Variants in FIGN observed in about 807,000 individuals in gnomAD.
The protein encoded by FIGN is fidgetin.
FIGN carries 11 observed loss-of-function variants against 51.3 expected under a neutral mutation model. That is an observed-to-expected ratio of 0.21 (90% CI 0.13 to 0.35). FIGN has a LOEUF of 0.35. Among genes scored for constraint, FIGN ranks in the 10% least tolerant of loss-of-function variants. FIGN has a pLI of 1.00. For missense variants in FIGN, 857 were observed against 943.6 expected, an observed-to-expected ratio of 0.91 and a Z score of 1.20; for synonymous variants, 407 against 363.2, an observed-to-expected ratio of 1.12 and a Z score of -1.37.
rs147210771 is a variant in FIGN, at chr2:163,628,761, A to T, written c.26-16955T>A. ...AGGAAATCACTGGAAAAATTTAAAAAAAAATTGTGACATATCTGTCCATTG... is the reference window on the plus strand; with the variant it reads ...AGGAAATCACTGGAAAAATTTAAAATAAAATTGTGACATATCTGTCCATTG... On this transcript the variant is annotated intron_variant, in intron 2 of 2. Transcript: ENST00000333129. 4.6e-3 allele frequency among the ~76,000 whole-genome samples: 703 copies of T among 152,286 alleles called. 6 individuals are homozygous for T. The highest frequency in any genetic ancestry group is 0.016 in the African/African-American group (658 of 41,570).
In FIGN at chr2:163,611,413, G is replaced by C; in HGVS notation, c.419C>G (p.Pro140Arg). 1 of 1,614,154 alleles carries C rather than the reference G, an allele frequency of 6.2e-7. No individual in the cohort carries two copies. Among genetic ancestry groups the C allele is most frequent in the Non-Finnish European group, 8.5e-7 (1 of 1,180,016 alleles). The change falls in exon 3 of 3, where the codon CCT (proline) becomes CGT (arginine). Residue 140 changes from proline (P) to arginine (R), a missense_variant. Physicochemically the swap from Pro to Arg is moderately radical, Grantham distance 103. Coordinates refer to ENST00000333129, the MANE Select transcript of FIGN (RefSeq NM_018086.4). The part of the protein sequence containing the change: ...ASKAGVSSAL[P>R]PADVSASIGS... ...TATACTCGCAGAGACATCTGCTGGA[G>C]GGAGGGCTGAACTGACTCCAGCTTT...
chr2:163,733,052 C>G (rs1248678591), intron 2 of FIGN, among the ~76,000 whole-genome samples: 45 of 152,134 alleles, frequency 3.0e-4, no homozygotes, highest in Non-Finnish European at 7.3e-5. Context: ...AAAACAAGAG[C>G]CAGTAACGCC....
At chr2:163,658,111 A>C (rs1220012965) in intron 2 of FIGN, among the ~76,000 whole-genome samples, 1 of 152,124 alleles carries the variant, frequency 6.6e-6, no homozygotes, top group African/African-American at 2.4e-5. Flanking sequence ...GGGAGGAATA[A>C]GTTGTTGTCT....
chr2:163,725,177 A>G lies in FIGN; in HGVS notation c.25+9726T>C, dbSNP rs148551231. On this transcript the variant is annotated intron_variant, in intron 2 of 2. Coordinates refer to ENST00000333129, the MANE Select transcript of FIGN (RefSeq NM_018086.4). ...AACTACTTCTCATGATCTAAGTATC[A>G]TATTCCAGTGGCTGAAATGAAATTT... Among the ~76,000 whole-genome samples, 783 of 152,260 alleles carry G rather than the reference A, an allele frequency of 5.1e-3. 3 individuals carry two copies. Among genetic ancestry groups the G allele is most frequent in the Non-Finnish European group, 9.0e-3 (611 of 67,966 alleles).
chr2:163,688,270 G>T (rs1478270133), intron 2 of FIGN, among the ~76,000 whole-genome samples: 1 of 152,184 alleles, frequency 6.6e-6, no homozygotes, highest in African/African-American at 2.4e-5. Context: ...TGCTCAGAAT[G>T]TGGGAACTCA....
chr2:163,718,630 T>C (rs1193355607), intron 2 of FIGN, among the ~76,000 whole-genome samples: 2 of 152,168 alleles, frequency 1.3e-5, no homozygotes, highest in African/African-American at 4.8e-5. Flanking sequence ...GTCTCCCTGA[T>C]GAAAAATCCA....
At position 163,610,056 on chromosome 2, in the gene FIGN, G is replaced by A. The variant is rs746275065; in HGVS notation, c.1776C>T (p.Ser592=). 6.2e-7 allele frequency: 1 copy of A among 1,614,034 alleles called. No individual in the cohort carries two copies. Among genetic ancestry groups the A allele is most frequent in the South Asian group, 1.1e-5 (1 of 91,080 alleles). ...GACTATGTTCCTCATTCACTTGAGAGGAGAGAAGCATGTCAATGTCACTAA... is the reference window on the plus strand; with the variant it reads ...GACTATGTTCCTCATTCACTTGAGAAGAGAGAAGCATGTCAATGTCACTAA... ...IFVSDIDMLL[S]SQVNEEHSPV... is the part of the protein sequence containing the mutation. The change falls in exon 3 of 3, where the codon TCC becomes TCT. Residue 592 remains serine, a synonymous_variant. Coordinates refer to ENST00000333129, the MANE Select transcript of FIGN (RefSeq NM_018086.4).
chr2:163,610,751 G>A lies in FIGN; in HGVS notation c.1081C>T (p.Arg361Trp), dbSNP rs1205155374. ...MPDNSISNTN[R>W]GNGFDRSAET... is the part of the protein sequence containing the mutation. ...GCACTTCTGTCAAAGCCATTCCCCC[G>A]ATTTGTGTTTGAAATGCTGTTGTCG... Residue 361 changes from arginine (R) to tryptophan (W), a missense_variant, in exon 3 of 3, where the codon CGG becomes TGG. Physicochemically the swap from Arg to Trp is moderately radical, Grantham distance 101. Around this residue, in one of 3 missense-constraint regions of FIGN, gnomAD observed 799 missense variants for 849.5 expected, o/e 0.94. Coordinates refer to ENST00000333129, the MANE Select transcript of FIGN (RefSeq NM_018086.4). 2.5e-6 allele frequency: 4 copies of A among 1,614,032 alleles called. No homozygotes were observed. The highest frequency in any genetic ancestry group is 2.2e-5 in the East Asian group (1 of 44,888).
At position 163,611,553 on chromosome 2, in the gene FIGN, G is replaced by A; in HGVS notation, c.279C>T (p.Asp93=). 1 of 1,614,226 alleles carries A rather than the reference G, an allele frequency of 6.2e-7. No homozygotes were observed. The part of the protein sequence containing the change: ...VDRPVLSNYS[D]TPSGLVNGRK... ...GACCGTTCACTAGTCCTGATGGTGT[G>A]TCCGAATAGTTGCTGAGTACGGGTC... Residue 93 remains aspartate (D), a synonymous_variant, in exon 3 of 3, where the codon GAC becomes GAT. Transcript: ENST00000333129.
At chr2:163,729,680 C>T (rs1559035346) in intron 2 of FIGN, among the ~76,000 whole-genome samples, 1 of 152,270 alleles carries the variant, frequency 6.6e-6, no homozygotes, top group East Asian at 1.9e-4. Context: ...ATGCATTCTA[C>T]TTTCAAGATG....
intron 2 of FIGN, among the ~76,000 whole-genome samples, chr2:163,682,513 T>C (rs1323582517): frequency 6.6e-6 from 1 of 152,086 alleles, no homozygotes; most frequent in Admixed American, 6.5e-5. Flanking sequence ...AAAAGACACA[T>C]CCAGAAAATA....
chr2:163,624,023 A>T (rs2105306931), intron 2 of FIGN, among the ~76,000 whole-genome samples: 1 of 151,312 alleles, frequency 6.6e-6, no homozygotes, highest in African/African-American at 2.4e-5. Context: ...TTACATTAAC[A>T]GGTTTTTTTT....
At chr2:163,703,856 A>T (rs1444378544) in intron 2 of FIGN, among the ~76,000 whole-genome samples, 2 of 152,144 alleles carry the variant, frequency 1.3e-5, no homozygotes, top group Non-Finnish European at 2.9e-5. Flanking sequence ...TCTAAATATC[A>T]GTTAATTCCA....
chr2:163,730,462 T>A (rs1430661859), intron 2 of FIGN, among the ~76,000 whole-genome samples: 1 of 151,970 alleles, frequency 6.6e-6, no homozygotes, highest in African/African-American at 2.4e-5. Flanking sequence ...TCATTTTCAA[T>A]AAACAATAAT....
Position 163,610,104 on chromosome 2 carries a change from A to G in FIGN, c.1728T>C (p.Cys576=), listed in dbSNP as rs1433518401. The change falls in exon 3 of 3, where the codon TGT becomes TGC. Residue 576 remains cysteine (C), a synonymous_variant. Coordinates refer to ENST00000333129, the MANE Select transcript of FIGN (RefSeq NM_018086.4). Reference sequence around the variant, plus strand: ...TAACAAAAATCACCGAGGGCTGGCGACACCTGGCCACAAGAAAAGAGGCAT... The same window carrying G: ...TAACAAAAATCACCGAGGGCTGGCGGCACCTGGCCACAAGAAAAGAGGCAT... The part of the protein sequence containing the change: ...IIHASFLVAR[C]RQPSVIFVSD... 1 of 1,613,772 alleles carries G rather than the reference A, an allele frequency of 6.2e-7. No homozygotes were observed. The highest frequency in any genetic ancestry group is 1.3e-5 in the African/African-American group (1 of 74,890).
chr2:163,711,541 C>T (rs904247654), intron 2 of FIGN, among the ~76,000 whole-genome samples: 7 of 151,942 alleles, frequency 4.6e-5, no homozygotes, highest in Non-Finnish European at 7.4e-5. Context: ...GACTTTAAAT[C>T]CCCCCACTTA....
intron 2 of FIGN, among the ~76,000 whole-genome samples, chr2:163,632,120 C>A (rs1159188694): frequency 6.6e-6 from 1 of 151,796 alleles, no homozygotes; most frequent in African/African-American, 2.4e-5. Context: ...TACATTCCAG[C>A]CTAGGCAAGA....
intron 2 of FIGN, among the ~76,000 whole-genome samples, chr2:163,642,353 A>C (rs1401794028): frequency 6.6e-6 from 1 of 152,224 alleles, no homozygotes; most frequent in African/African-American, 2.4e-5. Context: ...AATGTTAGAT[A>C]TAGAAGTAAG....
intron 2 of FIGN, among the ~76,000 whole-genome samples, chr2:163,648,004 A>G (rs1014584163): frequency 2.6e-5 from 4 of 152,142 alleles, no homozygotes; most frequent in African/African-American, 9.7e-5. Flanking sequence ...AGAGACAAAG[A>G]CAGACATACA....
Sources: gnomAD v4.1 joint callset for allele counts (sites outside exome capture counted in the v4.1 genomes callset) on GRCh38, gnomAD v4.1.1 for gene constraint, gnomAD v4.1.1 regional missense constraint, MANE v1.5 for transcripts, NCBI Gene and HGNC (gene_info 2026-07-23, HGNC 2026-07-21) for gene names.